Variants in HRNR observed in about 807,000 individuals in gnomAD.
HRNR encodes filaggrin family member 3.
HRNR carries 7 observed loss-of-function variants against 4.8 expected under a neutral mutation model. The observed-to-expected ratio is 1.47, with a 90% CI of 0.83 to 2.75. The LOEUF is 2.75. Among genes scored for constraint, HRNR ranks in the 30% most tolerant of loss-of-function variants. The pLI is 0.00. For synonymous variants in HRNR, 1,023 were observed against 1,242.7 expected, an observed-to-expected ratio of 0.82 and a Z score of 3.72; for missense variants, 2,879 against 3,010.4, an observed-to-expected ratio of 0.96 and a Z score of 1.02.
At position 152,212,993 on chromosome 1, in the gene HRNR, T is replaced by G. The variant is rs1187795961; in HGVS notation, c.*83A>C. The G allele has an allele frequency of 9.2e-6, 14 of 1,520,278 alleles. No individual in the cohort carries two copies. The highest frequency in any genetic ancestry group is 1.2e-5 in the Non-Finnish European group (14 of 1,132,274). 94.2% of individuals were successfully genotyped at this position (1,520,278 alleles called of 1,614,324 possible). A position where few individuals can be genotyped will look rare whatever the true frequency, so the allele number is the denominator to read the frequency against. ...TTTTAGAACGAATTTCATGATGGAT[T>G]GCTTGTCTTTCATGATGAATTCATA... On this transcript the variant is annotated 3_prime_UTR_variant, in exon 3 of 3. Coordinates refer to ENST00000368801, the MANE Select transcript of HRNR (RefSeq NM_001009931.3).
rs199656596 is a variant in HRNR, at chr1:152,220,335, C to G, written c.1294G>C (p.Gly432Arg). 330 of 1,613,262 alleles carry G rather than the reference C, an allele frequency of 2.0e-4. 3 individuals carry two copies. Among genetic ancestry groups the G allele is most frequent in the South Asian group, 1.7e-3 (158 of 90,690 alleles). The stretch of plus-strand genomic sequence containing the variant: ...CCGGAGCTGGGAGACTGCCCTGACC[C>G]AGACCCACGCTGGCCGTGGCCTGGA... ...QSPGHGQRGS[G>R]SGQSPSSGQH... The change falls in exon 3 of 3, where the codon GGG (glycine) becomes CGG (arginine). Residue 432 changes from glycine (G) to arginine (R), a missense_variant. By Grantham distance (125) the Gly-to-Arg change is moderately radical. Coordinates refer to ENST00000368801, the MANE Select transcript of HRNR (RefSeq NM_001009931.3).
At position 152,218,404 on chromosome 1, in the gene HRNR, G is replaced by A. The variant is rs761307786; in HGVS notation, c.3225C>T (p.Thr1075=). Residue 1075 remains threonine, a synonymous_variant, in exon 3 of 3, where the codon ACC becomes ACT. Transcript: ENST00000368801. ...QHGSSSGHSS[T]HGQHGSTSGQ... ...CTGATGTAGAACCGTGTTGCCCATG[G>A]GTAGAGGAATGACCTGAGCTAGATC... 25 of 1,613,146 alleles carry A rather than the reference G, an allele frequency of 1.5e-5. No homozygotes were observed. Among genetic ancestry groups the A allele is most frequent in the Middle Eastern group, 1.6e-4 (1 of 6,078 alleles).
rs777333732 is a variant in HRNR, at chr1:152,219,927, A to C, written c.1702T>G (p.Ser568Ala). Residue 568 changes from serine (S) to alanine (A), a missense_variant, in exon 3 of 3, where the codon TCT becomes GCT. Ser to Ala is a moderately conservative substitution (Grantham distance 99). Around this residue, in one of 8 missense-constraint regions of HRNR, gnomAD observed 2,646 missense variants for 1,377.7 expected, o/e 1.92. Transcript: ENST00000368801. ...YGPHGYGSGRSSSRGPYESGS... is the reference protein window; with the variant it reads ...YGPHGYGSGRASSRGPYESGS... ...GACTCATATGGGCCACGGCTTGAAGACCTCCCTGAGCCATACCCATGTGGG... is the reference window on the plus strand; with the variant it reads ...GACTCATATGGGCCACGGCTTGAAGCCCTCCCTGAGCCATACCCATGTGGG... 1.2e-5 allele frequency: 20 copies of C among 1,611,186 alleles called. No homozygotes were observed. Among genetic ancestry groups the C allele is most frequent in the Non-Finnish European group, 1.7e-5 (20 of 1,179,290 alleles).
chr1:152,221,680 G>T (rs1570847304), intron 2 of HRNR, among the ~76,000 whole-genome samples, 190 bp from the exon 3 acceptor site: 1 of 152,304 alleles, frequency 6.6e-6, no homozygotes, highest in South Asian at 2.1e-4. Context: ...GAATAATGTG[G>T]TGGGAAACAG....
In HRNR at chr1:152,218,762, C is replaced by T. The variant is rs1345914891; in HGVS notation, c.2867G>A (p.Ser956Asn). Reference protein sequence around the residue: ...QHGSGSGHSSSYEQHGSRSGQ... With the variant: ...QHGSGSGHSSNYEQHGSRSGQ... ...TGACCTAGAGCCGTGTTGTTCGTAGCTGGAGGAGTGACCTGAGCCAGATCC... is the reference window on the plus strand; with the variant it reads ...TGACCTAGAGCCGTGTTGTTCGTAGTTGGAGGAGTGACCTGAGCCAGATCC... The change falls in exon 3 of 3, where the codon AGC becomes AAC. Residue 956 changes from serine (S) to asparagine (N), a missense_variant. Around this residue, in one of 8 missense-constraint regions of HRNR, gnomAD observed 2,646 missense variants for 1,377.7 expected, o/e 1.92. Coordinates refer to ENST00000368801, the MANE Select transcript of HRNR (RefSeq NM_001009931.3). 4 of 1,613,850 alleles carry T rather than the reference C, an allele frequency of 2.5e-6. No individual in the cohort carries two copies. The highest frequency in any genetic ancestry group is 3.4e-6 in the Non-Finnish European group (4 of 1,179,990).
rs146453724 is a variant in HRNR at position 152,219,442 on chromosome 1, G to A, written c.2187C>T (p.His729=). The A allele has an allele frequency of 3.5e-4, 571 of 1,613,808 alleles. No homozygotes were observed. The highest frequency in any genetic ancestry group is 9.6e-4 in the East Asian group (43 of 44,812). Residue 729 remains histidine (H), a synonymous_variant, in exon 3 of 3, where the codon CAC becomes CAT. Coordinates refer to ENST00000368801, the MANE Select transcript of HRNR (RefSeq NM_001009931.3). ...GSSHSSGYRK[H]GSRSGQSSRS... ...TAGATGACTGTCCTGACCTAGAGCC[G>A]TGTTTTCTGTAGCCGGAGGAGTGAC... is the stretch of plus-strand genomic sequence containing the variant.
chr1:152,213,497 C>T lies in HRNR; in HGVS notation c.8132G>A (p.Gly2711Asp), dbSNP rs1359811362. 7.3e-7 allele frequency: 1 copy of T among 1,376,876 alleles called. No individual in the cohort carries two copies. Among genetic ancestry groups the T allele is most frequent in the South Asian group, 1.2e-5 (1 of 86,822 alleles). The allele number at this position is 1,376,876 out of a possible 1,614,324, so 85.3% of individuals were successfully genotyped here. A position where few individuals can be genotyped will look rare whatever the true frequency, so the allele number is the denominator to read the frequency against. The change falls in exon 3 of 3, where the codon GGT becomes GAT. Residue 2711 changes from glycine to aspartate, a missense_variant. This residue lies in a region of HRNR where 20 missense variants were observed against 61.1 expected (regional missense o/e 0.33). Coordinates refer to ENST00000368801, the MANE Select transcript of HRNR (RefSeq NM_001009931.3). ...SGHSSAYSQH[G>D]SGSGHFCSQG... ...GCTACAGAAGTGCCCTGAGCCACTACCATGCTGACTGTAAGCAGAGGAATG... is the reference window on the plus strand; with the variant it reads ...GCTACAGAAGTGCCCTGAGCCACTATCATGCTGACTGTAAGCAGAGGAATG...
chr1:152,219,791 T>C lies in HRNR; in HGVS notation c.1838A>G (p.His613Arg). 3.7e-6 allele frequency: 6 copies of C among 1,612,082 alleles called. No homozygotes were observed. The South Asian group carries it at 5.5e-5, about 15-fold the overall frequency. The part of the protein sequence containing the change: ...SSGHSSTHGQ[H>R]GSTSGQSSSC... ...CGATGACTGTCCTGATGTAGAACCATGTTGCCCATGGGTAGAGGAATGACC... is the reference window on the plus strand; with the variant it reads ...CGATGACTGTCCTGATGTAGAACCACGTTGCCCATGGGTAGAGGAATGACC... The change falls in exon 3 of 3, where the codon CAT becomes CGT. Residue 613 changes from histidine (H) to arginine (R), a missense_variant. By Grantham distance (29) the His-to-Arg change is conservative (BLOSUM62 0). Around this residue, in one of 8 missense-constraint regions of HRNR, gnomAD observed 2,646 missense variants for 1,377.7 expected, o/e 1.92. Transcript: ENST00000368801.
rs370485511 is a variant in HRNR, at chr1:152,219,472, G to T, written c.2157C>A (p.Gly719=). Residue 719 remains glycine, a synonymous_variant, in exon 3 of 3, where the codon GGC becomes GGA. Coordinates refer to ENST00000368801, the MANE Select transcript of HRNR (RefSeq NM_001009931.3). ...TTCTGTAGCCGGAGGAGTGACTTGA[G>T]CCAGATCCATGCTGACTGTAACCAG... ...QSSGYSQHGS[G]SSHSSGYRKH... is the part of the protein sequence containing the mutation. The T allele has an allele frequency of 1.2e-6, 2 of 1,613,890 alleles. No individual in the cohort carries two copies. The highest frequency in any genetic ancestry group is 1.7e-6 in the Non-Finnish European group (2 of 1,180,014).
rs77376932 is a variant in HRNR, at chr1:152,218,469, C to T, written c.3160G>A (p.Glu1054Lys). The change falls in exon 3 of 3, where the codon GAG becomes AAG. Residue 1054 changes from glutamate to lysine, a missense_variant. Coordinates refer to ENST00000368801, the MANE Select transcript of HRNR (RefSeq NM_001009931.3). ...CCAGAGGACTGTCCTGAGCGAGACT[C>T]TCGGTGACCTAAGCCAGAAGAGTGA... is the stretch of plus-strand genomic sequence containing the variant. Reference protein sequence around the residue: ...SGHSSGLGHRESRSGQSSGYG... With the variant: ...SGHSSGLGHRKSRSGQSSGYG... 274,650 of 1,612,826 alleles carry T rather than the reference C, an allele frequency of 0.17. 32,782 individuals carry two copies. Among genetic ancestry groups the T allele is most frequent in the East Asian group, 0.56 (25,142 of 44,608 alleles).
Position 152,219,672 on chromosome 1 carries a change from C to A in HRNR, c.1957G>T (p.Gly653Cys). 2 of 1,613,310 alleles carry A rather than the reference C, an allele frequency of 1.2e-6. No individual in the cohort carries two copies. Among genetic ancestry groups the A allele is most frequent in the Non-Finnish European group, 1.7e-6 (2 of 1,179,482 alleles). Residue 653 changes from glycine (G) to cysteine (C), a missense_variant, in exon 3 of 3, where the codon GGC becomes TGC. By Grantham distance (159) the Gly-to-Cys change is radical. Coordinates refer to ENST00000368801, the MANE Select transcript of HRNR (RefSeq NM_001009931.3). ...CTAGGAGACTGGCCAGATCCAGAGCCCTGTTGGCCATAGCGAGAAGACTGA... is the reference window on the plus strand; with the variant it reads ...CTAGGAGACTGGCCAGATCCAGAGCACTGTTGGCCATAGCGAGAAGACTGA... ...SSQSSRYGQQ[G>C]SGSGQSPSRG... is the part of the protein sequence containing the mutation.
In HRNR at chr1:152,212,761, C is replaced by T; in HGVS notation, c.*315G>A. The T allele has an allele frequency of 2.5e-6, 1 of 392,366 alleles. No individual in the cohort carries two copies. The highest frequency in any genetic ancestry group is 4.5e-6 in the Non-Finnish European group (1 of 220,384). 24.3% of individuals were successfully genotyped at this position (392,366 alleles called of 1,614,324 possible). A position where few individuals can be genotyped will look rare whatever the true frequency, so the allele number is the denominator to read the frequency against. ...CATCTATAAATGAATGATGAGCTCT[C>T]AAAAAGACAACTCCAACTAAACCCA... is the stretch of plus-strand genomic sequence containing the variant. On this transcript the variant is annotated 3_prime_UTR_variant, in exon 3 of 3. Transcript: ENST00000368801.
Position 152,221,101 on chromosome 1 carries a change from A to C in HRNR, c.528T>G (p.Ser176=). Residue 176 remains serine (S), a synonymous_variant, in exon 3 of 3, where the codon TCT becomes TCG. Coordinates refer to ENST00000368801, the MANE Select transcript of HRNR (RefSeq NM_001009931.3). ...CGGAGTTTTGCTCACCATAGCTGGA[A>C]GACTGACCTGAGTAGGAGTTATGTT... is the stretch of plus-strand genomic sequence containing the variant. ...SGQHNSYSGQ[S]SSYGEQNSDS... The C allele has an allele frequency of 1.2e-6, 2 of 1,614,212 alleles. No homozygotes were observed. Among genetic ancestry groups the C allele is most frequent in the Non-Finnish European group, 1.7e-6 (2 of 1,180,022 alleles).
Position 152,219,566 on chromosome 1 carries a change from T to C in HRNR, c.2063A>G (p.Asn688Ser), listed in dbSNP as rs774590604. 1.2e-5 allele frequency: 20 copies of C among 1,609,752 alleles called. No individual in the cohort carries two copies. Among genetic ancestry groups the C allele is most frequent in the Admixed American group, 5.0e-5 (3 of 59,666 alleles). Residue 688 changes from asparagine (N) to serine (S), a missense_variant, in exon 3 of 3, where the codon AAT becomes AGT. This residue lies in a region of HRNR where 2,646 missense variants were observed against 1,377.7 expected (regional missense o/e 1.92). Coordinates refer to ENST00000368801, the MANE Select transcript of HRNR (RefSeq NM_001009931.3). ...GCCTGAGACAGACCCATGTGGGCCATTGCTTGAAGACCAACCGGAGCCAGA... is the reference window on the plus strand; with the variant it reads ...GCCTGAGACAGACCCATGTGGGCCACTGCTTGAAGACCAACCGGAGCCAGA... ...HGSGSGWSSS[N>S]GPHGSVSGQS...
Position 152,220,725 on chromosome 1 carries a change from C to T in HRNR, c.904G>A (p.Gly302Arg), listed in dbSNP as rs1383293810. 1.2e-6 allele frequency: 2 copies of T among 1,613,984 alleles called. No homozygotes were observed. The highest frequency in any genetic ancestry group is 1.3e-5 in the African/African-American group (1 of 75,020). Residue 302 changes from glycine to arginine, a missense_variant, in exon 3 of 3, where the codon GGA (glycine) becomes AGA (arginine). By Grantham distance (125) the Gly-to-Arg change is moderately radical (BLOSUM62 -2). This residue lies in a region of HRNR where 2,646 missense variants were observed against 1,377.7 expected (regional missense o/e 1.92). Transcript: ENST00000368801. ...ACGTGGCTAGGAGACTGGCGAGATC[C>T]AGACCCTTGTCGGCCGTGGCCCAAA... ...QSLGHGRQGS[G>R]SRQSPSHVRH... is the part of the protein sequence containing the mutation.
Position 152,221,269 on chromosome 1 carries a change from G to A in HRNR, c.360C>T (p.Asn120=), listed in dbSNP as rs769972278. The A allele has an allele frequency of 1.6e-5, 26 of 1,613,910 alleles. No individual in the cohort carries two copies. The highest frequency in any genetic ancestry group is 2.1e-5 in the Non-Finnish European group (25 of 1,180,018). ...GACTAAAAGAGGATTCTTGCCGTTT[G>A]TTCTCCTCTTTTTCAGTTTCTTCTT... ...EEQEETEKEE[N]KRQESSFSHS... is the part of the protein sequence containing the mutation. Residue 120 remains asparagine, a synonymous_variant, in exon 3 of 3, where the codon AAC becomes AAT. Coordinates refer to ENST00000368801, the MANE Select transcript of HRNR (RefSeq NM_001009931.3).
Position 152,218,967 on chromosome 1 carries a change from C to CA in HRNR, c.2661dup (p.Gly888TrpfsTer50), listed in dbSNP as rs1368331939. On this transcript the variant is annotated frameshift_variant, in exon 3 of 3. Transcript: ENST00000368801. LOFTEE classifies it low-confidence loss of function (END_TRUNC). ...CGCTGGCCGTGGCCTGGAGACTGGC[C>CA]AGATCCAGAGCCATGTCGGCCGCGG... is the stretch of plus-strand genomic sequence containing the variant. 5.6e-6 allele frequency: 9 copies of CA among 1,608,642 alleles called. No homozygotes were observed. Among genetic ancestry groups the CA allele is most frequent in the Non-Finnish European group, 7.6e-6 (9 of 1,179,874 alleles).
In HRNR at chr1:152,220,338, A is replaced by T; in HGVS notation, c.1291T>A (p.Ser431Thr). The stretch of plus-strand genomic sequence containing the variant: ...GAGCTGGGAGACTGCCCTGACCCAG[A>T]CCCACGCTGGCCGTGGCCTGGAGAC... ...GQSPGHGQRG[S>T]GSGQSPSSGQ... Residue 431 changes from serine to threonine, a missense_variant, in exon 3 of 3, where the codon TCT (serine) becomes ACT (threonine). Ser to Thr is a moderately conservative substitution (Grantham distance 58). Coordinates refer to ENST00000368801, the MANE Select transcript of HRNR (RefSeq NM_001009931.3). 13 of 1,612,618 alleles carry T rather than the reference A, an allele frequency of 8.1e-6. No individual in the cohort carries two copies. The highest frequency in any genetic ancestry group is 1.1e-5 in the Non-Finnish European group (13 of 1,179,594).
Position 152,221,221 on chromosome 1 carries a change from C to A in HRNR, c.408G>T (p.Glu136Asp). 1.2e-6 allele frequency: 2 copies of A among 1,614,168 alleles called. No individual in the cohort carries two copies. The highest frequency in any genetic ancestry group is 8.5e-7 in the Non-Finnish European group (1 of 1,180,044). The change falls in exon 3 of 3, where the codon GAG becomes GAT. Residue 136 changes from glutamate to aspartate, a missense_variant. Glu to Asp is a conservative substitution (Grantham distance 45). Around this residue, in one of 8 missense-constraint regions of HRNR, gnomAD observed 2,646 missense variants for 1,377.7 expected, o/e 1.92. Coordinates refer to ENST00000368801, the MANE Select transcript of HRNR (RefSeq NM_001009931.3). Reference protein sequence around the residue: ...SFSHSSWSAGENDSYSRNVRG... With the variant: ...SFSHSSWSAGDNDSYSRNVRG... Reference sequence around the variant, plus strand: ...TGACGTTTCTGGAATAGGAATCATTCTCTCCTGCACTCCAACTTGAATGAC... The same window carrying A: ...TGACGTTTCTGGAATAGGAATCATTATCTCCTGCACTCCAACTTGAATGAC...
Sources: allele counts gnomAD v4.1 joint callset (sites outside exome capture counted in the v4.1 genomes callset), GRCh38; gene constraint gnomAD v4.1.1; regional missense constraint gnomAD v4.1.1; transcripts MANE v1.5; gene names NCBI Gene and HGNC (gene_info 2026-07-23, HGNC 2026-07-21).